NLRP12: variants seen among roughly 807,000 people sequenced by gnomAD.
The protein encoded by NLRP12 is NACHT, LRR and PYD domains-containing protein 12.
In NLRP12, 108 loss-of-function variants were observed where a neutral mutation model predicts 91.2. That is an observed-to-expected ratio of 1.18 (90% confidence interval 1.01 to 1.39). The LOEUF (loss-of-function observed/expected upper bound fraction) is 1.39. Among genes scored for constraint, NLRP12 ranks in the 40% most tolerant of loss-of-function variants. The pLI is 0.00. For synonymous variants in NLRP12, 613 were observed against 566.7 expected (o/e 1.08, Z -1.16); for missense variants, 1,530 against 1,352.7 (o/e 1.13, Z -2.06).
intron 2 of NLRP12, among the ~76,000 whole-genome samples, chr19:53,813,610 G>A (rs1211529683): frequency 1.3e-5 from 2 of 150,386 alleles, no homozygotes; most frequent in Non-Finnish European, 3.0e-5. Flanking sequence ...CGTGGCAACT[G>A]CTGTTCTACT....
At chr19:53,809,122 A>G (rs2092009410) in intron 3 of NLRP12, among the ~76,000 whole-genome samples, 1 of 151,712 alleles carries the variant, frequency 6.6e-6, no homozygotes, top group Non-Finnish European at 1.5e-5. Context: ...GCTACTCAGG[A>G]GGCTGAGGCA....
At chr19:53,803,829 C>T in intron 6 of NLRP12, 123 bp downstream of exon 6, 1 of 957,752 alleles carries the variant, frequency 1.0e-6, no homozygotes, top group Non-Finnish European at 1.6e-6. Context: ...CCTCTTTGGC[C>T]TCCCAAAGTG....
chr19:53,819,373 T>C (rs1446153008), intron 1 of NLRP12, among the ~76,000 whole-genome samples: 5 of 137,324 alleles, frequency 3.6e-5, no homozygotes, highest in African/African-American at 1.1e-4. Context: ...GCCTCCCAAG[T>C]AGCTGGGATT....
In NLRP12 at chr19:53,801,106, A is replaced by G; in HGVS notation, c.2756+121T>C. 3 of 902,924 alleles carry G rather than the reference A, an allele frequency of 3.3e-6. No homozygotes were observed. In the South Asian group the frequency reaches 4.6e-5, roughly 14 times the overall value. 55.9% of individuals were successfully genotyped at this position (902,924 alleles called of 1,614,324 possible). On this transcript the variant is annotated intron_variant, in intron 7 of 9. Transcript: ENST00000324134. ...TACTTGGGAGTCTCAAAAAAAAAAA[A>G]AAAAGGCTGATGTAGTAGCTAGAGT...
At chr19:53,818,882 A>C (rs78097396) in intron 1 of NLRP12, among the ~76,000 whole-genome samples, 1 of 152,032 alleles carries the variant, frequency 6.6e-6, no homozygotes, top group African/African-American at 2.4e-5. Context: ...ACTCTTACGC[A>C]CAGTAACATG....
In NLRP12 at chr19:53,819,541, G is replaced by GT; in HGVS notation, c.289+4344dup. On this transcript the variant is annotated intron_variant, in intron 1 of 9. Transcript: ENST00000324134. ...TGTGTATATATGTGTGTATGTATACGTATATATATGTATGTATACGTATAT... is the reference window on the plus strand; with the variant it reads ...TGTGTATATATGTGTGTATGTATACGTTATATATATGTATGTATACGTATAT... 9.8e-5 allele frequency among the ~76,000 whole-genome samples: 2 copies of GT among 20,362 alleles called. 1 individual carries two copies. Among genetic ancestry groups the GT allele is most frequent in the African/African-American group, 4.0e-4 (2 of 4,990 alleles). The allele number at this position is 20,362 out of a possible 152,430, so 13.4% of individuals were successfully genotyped here. A position where few individuals can be genotyped will look rare whatever the true frequency, so the allele number is the denominator to read the frequency against.
chr19:53,801,734 C>T (rs575727689), intron 6 of NLRP12, among the ~76,000 whole-genome samples: 1 of 151,880 alleles, frequency 6.6e-6, no homozygotes, highest in Non-Finnish European at 1.5e-5. Context: ...GAATTACAGG[C>T]GTGAGCCACT....
chr19:53,819,647 GTA>G (rs1285732445), intron 1 of NLRP12, among the ~76,000 whole-genome samples: 2 of 94,372 alleles, frequency 2.1e-5, no homozygotes. Context: ...GTATGTATAC[GTA>G]TATATATACA....
intron 7 of NLRP12, among the ~76,000 whole-genome samples, chr19:53,799,394 C>T (rs1013571873): frequency 6.6e-6 from 1 of 152,014 alleles, no homozygotes; most frequent in African/African-American, 2.4e-5. Context: ...CACTTCTACC[C>T]ACGTCTTATA....
At chr19:53,819,246 T>C (rs929849472) in intron 1 of NLRP12, among the ~76,000 whole-genome samples, 1 of 151,290 alleles carries the variant, frequency 6.6e-6, no homozygotes, top group African/African-American at 2.4e-5. Flanking sequence ...TACTTTTTTC[T>C]TTCTTTTCTT....
At chr19:53,823,228 ATATG>A (rs1240728202) in intron 1 of NLRP12, among the ~76,000 whole-genome samples, 2 of 142,722 alleles carry the variant, frequency 1.4e-5, no homozygotes, top group African/African-American at 2.5e-5. Context: ...TTTTAATAAT[ATATG>A]TATTAAATAT....
chr19:53,813,902 C>T (rs1448345508), intron 2 of NLRP12, among the ~76,000 whole-genome samples: 1 of 150,156 alleles, frequency 6.7e-6, no homozygotes, highest in African/African-American at 2.5e-5. Flanking sequence ...TTGCTTGTTG[C>T]CCAGGCTGGT....
At chr19:53,811,545 A>G (rs1001252563) in intron 2 of NLRP12, among the ~76,000 whole-genome samples, 3 of 144,890 alleles carry the variant, frequency 2.1e-5, no homozygotes, top group Admixed American at 2.0e-4. Flanking sequence ...AAAATAATTT[A>G]TTTGTTTTGA....
At position 53,804,040 on chromosome 19, in the gene NLRP12, C is replaced by T; in HGVS notation, c.2497G>A (p.Asp833Asn). Residue 833 changes from aspartate to asparagine, a missense_variant, in exon 6 of 10, where the codon GAC becomes AAC. Asp to Asn is a conservative substitution (Grantham distance 23). Coordinates refer to ENST00000324134, the MANE Select transcript of NLRP12 (RefSeq NM_144687.4). Reference protein sequence around the residue: ...LGTNPHLVELDLTGNALEDLG... With the variant: ...LGTNPHLVELNLTGNALEDLG... ...TCCTCCAGTGCATTTCCTGTCAGGT[C>T]CAACTCAACCAGATGTGGGTTGGTG... 1.2e-6 allele frequency: 2 copies of T among 1,614,100 alleles called. No homozygotes were observed. The highest frequency in any genetic ancestry group is 2.2e-5 in the South Asian group (2 of 91,080).
In NLRP12 at chr19:53,819,451, A is replaced by ATGTGTGTGTGTG. The variant is rs1463710304; in HGVS notation, c.289+4434_289+4435insCACACACACACA. ...TATATATATATATATATATATATAT[A>ATGTGTGTGTGTG]TATATATGTGTGTGTGTGTGTGTGT... On this transcript the variant is annotated intron_variant, in intron 1 of 9. Transcript: ENST00000324134. Among the ~76,000 whole-genome samples the ATGTGTGTGTGTG allele has an allele frequency of 3.7e-4, 4 of 10,728 alleles. 1 individual carries two copies. The highest frequency in any genetic ancestry group is 5.9e-4 in the African/African-American group (2 of 3,406). 7.0% of individuals were successfully genotyped at this position (10,728 alleles called of 152,430 possible). A position where few individuals can be genotyped will look rare whatever the true frequency, so the allele number is the denominator to read the frequency against.
At chr19:53,823,471 TTA>T (rs1491059304) in intron 1 of NLRP12, among the ~76,000 whole-genome samples, 1 of 129,178 alleles carries the variant, frequency 7.7e-6, no homozygotes. Flanking sequence ...AAATATATAT[TTA>T]AAATATATAT....
intron 1 of NLRP12, among the ~76,000 whole-genome samples, chr19:53,816,164 A>T (rs2092156266): frequency 6.6e-6 from 1 of 151,894 alleles, no homozygotes; most frequent in Non-Finnish European, 1.5e-5. Context: ...CCAAAGTCCT[A>T]AGTGTGAGTT....
intron 7 of NLRP12, among the ~76,000 whole-genome samples, 197 bp from the exon 8 acceptor site, chr19:53,798,610 C>T (rs1179561437): frequency 1.3e-5 from 2 of 152,152 alleles, no homozygotes; most frequent in African/African-American, 4.8e-5. Context: ...AAGGAAGCAA[C>T]TAAGAATCAG....
At chr19:53,799,235 C>G (rs1471194382) in intron 7 of NLRP12, among the ~76,000 whole-genome samples, 1 of 151,874 alleles carries the variant, frequency 6.6e-6, no homozygotes, top group East Asian at 1.9e-4. Context: ...TGGTCTCCAT[C>G]TCTTGACCTC....
Sources: gnomAD v4.1 joint callset for allele counts (sites outside exome capture counted in the v4.1 genomes callset) on GRCh38, gnomAD v4.1.1 for gene constraint, MANE v1.5 for transcripts, NCBI Gene and HGNC (gene_info 2026-07-23, HGNC 2026-07-21) for gene names.